PTPRD: variants seen among roughly 807,000 people sequenced by gnomAD.
The protein encoded by PTPRD is receptor-type tyrosine-protein phosphatase delta.
In PTPRD, 34 loss-of-function variants were observed where a neutral mutation model predicts 214.5. That is an observed-to-expected ratio of 0.16 (90% CI 0.12 to 0.21). The LOEUF (loss-of-function observed/expected upper bound fraction) is 0.21, where lower values mean the gene tolerates loss of function less well. Among genes scored for constraint, PTPRD ranks in the 10% least tolerant of loss-of-function variants. The pLI is 1.00. For synonymous variants in PTPRD, 1,128 were observed against 845.7 expected, an observed-to-expected ratio of 1.33 and a Z score of -5.79; for missense variants, 2,545 against 2,398.7, an observed-to-expected ratio of 1.06 and a Z score of -1.27.
chr9:9,937,973 G>C (rs57498253), intron 5 of PTPRD, among the ~76,000 whole-genome samples: 1 of 152,156 alleles, frequency 6.6e-6, no homozygotes, highest in Non-Finnish European at 1.5e-5. Flanking sequence ...TGGAGGCAGA[G>C]ATCTTACCTC....
intron 4 of PTPRD, among the ~76,000 whole-genome samples, chr9:9,939,368 G>A (rs576476735): frequency 6.6e-6 from 1 of 152,276 alleles, no homozygotes; most frequent in African/African-American, 2.4e-5. Context: ...AAAAATGCAA[G>A]AGATGCAGCA....
intron 10 of PTPRD, among the ~76,000 whole-genome samples, chr9:9,133,978 A>T (rs1454649402): frequency 6.7e-6 from 1 of 149,998 alleles, no homozygotes; most frequent in African/African-American, 2.5e-5. Context: ...GTGAAATTCC[A>T]CACCTTACCT....
intron 9 of PTPRD, among the ~76,000 whole-genome samples, chr9:9,233,103 G>A (rs2099964186): frequency 6.6e-6 from 1 of 152,110 alleles, no homozygotes; most frequent in Non-Finnish European, 1.5e-5. Flanking sequence ...TTCCCATGCT[G>A]CTATGAAGAA....
chr9:8,339,848 A>AC (rs36081418), intron 42 of PTPRD, among the ~76,000 whole-genome samples: 1 of 149,932 alleles, frequency 6.7e-6, no homozygotes, highest in Non-Finnish European at 1.5e-5. Flanking sequence ...AAAAAAACAA[A>AC]CCACTTTTTT....
intron 7 of PTPRD, among the ~76,000 whole-genome samples, chr9:9,648,453 G>T (rs1030589348): frequency 6.6e-6 from 1 of 152,166 alleles, no homozygotes; most frequent in African/African-American, 2.4e-5. Context: ...ATCTAATGAG[G>T]AAGTGAGCTT....
intron 11 of PTPRD, among the ~76,000 whole-genome samples, chr9:8,811,973 C>G (rs545567368): frequency 1.3e-4 from 20 of 152,266 alleles, no homozygotes; most frequent in South Asian, 8.3e-4. Context: ...AGGAGATCAA[C>G]ACAGATGGGG....
intron 4 of PTPRD, among the ~76,000 whole-genome samples, chr9:9,976,267 C>T (rs979955806): frequency 6.6e-6 from 1 of 152,080 alleles, no homozygotes; most frequent in Admixed American, 6.6e-5. Flanking sequence ...ACTTAACTCC[C>T]AGCCATTTTA....
At chr9:10,336,655 G>T (rs2096848829) in intron 3 of PTPRD, among the ~76,000 whole-genome samples, 1 of 151,520 alleles carries the variant, frequency 6.6e-6, no homozygotes, top group South Asian at 2.1e-4. Flanking sequence ...GTCCTAGATG[G>T]TTGGAAGGTT....
chr9:9,668,373 T>A (rs1594756718), intron 7 of PTPRD, among the ~76,000 whole-genome samples: 2 of 152,304 alleles, frequency 1.3e-5, no homozygotes, highest in South Asian at 2.1e-4. Flanking sequence ...AAATTTTTGC[T>A]AACTGCAGTC....
intron 3 of PTPRD, among the ~76,000 whole-genome samples, chr9:10,330,913 A>G (rs2096737447): frequency 6.6e-6 from 1 of 151,836 alleles, no homozygotes; most frequent in Admixed American, 6.6e-5. Flanking sequence ...CAGGTCATCT[A>G]TACCATCAAT....
At chr9:10,554,033 C>T (rs1035734848) in intron 2 of PTPRD, among the ~76,000 whole-genome samples, 4 of 152,044 alleles carry the variant, frequency 2.6e-5, no homozygotes, top group Non-Finnish European at 5.9e-5. Context: ...CATGTTTGAC[C>T]TGATTTCCAT....
At chr9:9,493,347 G>A (rs1416159095) in intron 8 of PTPRD, among the ~76,000 whole-genome samples, 8 of 152,078 alleles carry the variant, frequency 5.3e-5, no homozygotes, top group Admixed American at 5.2e-4. Context: ...CAAATATTCT[G>A]TTAATTCACC....
intron 5 of PTPRD, among the ~76,000 whole-genome samples, chr9:9,892,458 A>G (rs1300750940): frequency 1.3e-5 from 2 of 152,134 alleles, no homozygotes; most frequent in African/African-American, 4.8e-5. Context: ...ACAGTGAGCC[A>G]GACGGAAAGT....
chr9:9,910,832 G>C (rs2078979122), intron 5 of PTPRD, among the ~76,000 whole-genome samples: 1 of 151,890 alleles, frequency 6.6e-6, no homozygotes, highest in African/African-American at 2.4e-5. Context: ...AATAATACTT[G>C]GAAAACTGAG....
chr9:9,810,612 A>G (rs2046849820), intron 5 of PTPRD, among the ~76,000 whole-genome samples: 2 of 151,926 alleles, frequency 1.3e-5, no homozygotes, highest in African/African-American at 4.8e-5. Context: ...CTCAGAAGAA[A>G]AAAAAAAAAA....
At chr9:9,606,091 A>G (rs114904841) in intron 7 of PTPRD, among the ~76,000 whole-genome samples, 15 of 152,188 alleles carry the variant, frequency 9.9e-5, no homozygotes, top group African/African-American at 3.6e-4. Context: ...ATTTTCCTAG[A>G]TGTAACCTAA....
chr9:8,733,932 G>C lies in PTPRD; in HGVS notation c.-89C>G, dbSNP rs2098688883. ...TCTGTCCGATCTGAAATTTCAGCTG[G>C]AACACTTTCAGAGCCTGAAAGCGGG... On this transcript the variant is annotated 5_prime_UTR_variant, in exon 12 of 46. Coordinates refer to ENST00000381196, the MANE Select transcript of PTPRD (RefSeq NM_002839.4). The C allele has an allele frequency of 3.0e-6, 4 of 1,345,412 alleles. No individual in the cohort carries two copies. The highest frequency in any genetic ancestry group is 3.1e-6 in the Non-Finnish European group (3 of 969,876). 83.3% of individuals were successfully genotyped at this position (1,345,412 alleles called of 1,614,324 possible). A position where few individuals can be genotyped will look rare whatever the true frequency, so the allele number is the denominator to read the frequency against.
intron 37 of PTPRD, among the ~76,000 whole-genome samples, chr9:8,383,241 C>T (rs1266621965): frequency 6.6e-6 from 1 of 152,068 alleles, no homozygotes; most frequent in Non-Finnish European, 1.5e-5. Context: ...TGAATGTCTC[C>T]ACCTCACCTT....
At chr9:9,909,690 A>G (rs1479128342) in intron 5 of PTPRD, among the ~76,000 whole-genome samples, 6 of 151,920 alleles carry the variant, frequency 3.9e-5, no homozygotes, top group African/African-American at 1.4e-4. Context: ...TAGTGCATTT[A>G]TATTTCAATG....
Sources: gnomAD v4.1 joint callset for allele counts (sites outside exome capture counted in the v4.1 genomes callset) on GRCh38, gnomAD v4.1.1 for gene constraint, MANE v1.5 for transcripts, NCBI Gene and HGNC (gene_info 2026-07-23, HGNC 2026-07-21) for gene names.